UFSP2: variants seen among roughly 807,000 people sequenced by gnomAD.
UFSP2 encodes ufm1-specific protease 2.
Under a neutral mutation model 60.2 loss-of-function variants are expected in UFSP2, and 43 were observed. The ratio of observed to expected loss-of-function variants is 0.71; its 90% CI spans 0.56 to 0.92. The LOEUF is 0.92. Ranked by LOEUF, UFSP2 falls within the 40% of genes least tolerant of loss-of-function variation. The pLI is 0.00. For missense variants in UFSP2, 520 were observed against 575.0 expected, an observed-to-expected ratio of 0.90 and a Z score of 0.98; for synonymous variants, 183 against 195.1, an observed-to-expected ratio of 0.94 and a Z score of 0.52.
In UFSP2 at chr4:185,408,122, G is replaced by T. The variant is rs941389095; in HGVS notation, c.997-62C>A. Reference sequence around the variant, plus strand: ...AGACAGCTATTAAAAACGATGTTTAGGGCATTTTCCCTGATTACCAGTACA... The same window carrying T: ...AGACAGCTATTAAAAACGATGTTTATGGCATTTTCCCTGATTACCAGTACA... On this transcript the variant is annotated intron_variant, in intron 8 of 11. Transcript: ENST00000264689. The T allele has an allele frequency of 1.1e-5, 17 of 1,579,076 alleles. No individual in the cohort carries two copies. The African/African-American group carries it at 2.3e-4, about 21-fold the overall frequency.
intron 6 of UFSP2, 23 bp from the exon 7 acceptor site, chr4:185,413,895 GA>G (rs767535710): frequency 8.7e-5 from 136 of 1,556,718 alleles, no homozygotes; most frequent in Middle Eastern, 1.7e-4. Context: ...AGAATCAACA[GA>G]AAAAGAAAAA....
rs779590111 is a variant in UFSP2 at position 185,413,795 on chromosome 4, C to A, written c.762G>T (p.Glu254Asp). ...KRSNAYHFPD[E>D]PYKDGYIRNP... ...TTCTAATGTAACCATCTTTGTATGGCTCATCTGGAAAGTGATAAGCATTAG... is the reference window on the plus strand; with the variant it reads ...TTCTAATGTAACCATCTTTGTATGGATCATCTGGAAAGTGATAAGCATTAG... Residue 254 changes from glutamate to aspartate, a missense_variant, in exon 7 of 12, where the codon GAG (glutamate) becomes GAT (aspartate). Coordinates refer to ENST00000264689, the MANE Select transcript of UFSP2 (RefSeq NM_018359.5). 6.2e-7 allele frequency: 1 copy of A among 1,613,540 alleles called. No homozygotes were observed. Among genetic ancestry groups the A allele is most frequent in the South Asian group, 1.1e-5 (1 of 91,042 alleles).
rs551677327 is a variant in UFSP2 at position 185,400,662 on chromosome 4, T to G, written c.1324-184A>C. The G allele has an allele frequency of 7.4e-5, 32 of 429,858 alleles. No homozygotes were observed. The Admixed American group carries it at 1.3e-3, about 17-fold the overall frequency. The allele number at this position is 429,858 out of a possible 1,614,324, so 26.6% of individuals were successfully genotyped here. ...TATCTTACCCTTTAAGGTAGGTTTT[T>G]GAACTTTTAATTCTATGTATGTAAT... On this transcript the variant is annotated intron_variant, in intron 11 of 11. Transcript: ENST00000264689.
At chr4:185,412,114 C>T (rs1262566856) in intron 7 of UFSP2, among the ~76,000 whole-genome samples, 6 of 152,070 alleles carry the variant, frequency 3.9e-5, no homozygotes. Context: ...TATTCATTTC[C>T]CCACTGTGCT....
intron 11 of UFSP2, chr4:185,402,280 C>T: frequency 4.4e-6 from 2 of 454,732 alleles, no homozygotes; most frequent in South Asian, 3.1e-5. Flanking sequence ...AAGAATATTG[C>T]TACTATATTC....
At chr4:185,410,897 G>A in intron 7 of UFSP2, among the ~76,000 whole-genome samples, 1 of 142,638 alleles carries the variant, frequency 7.0e-6, no homozygotes, top group South Asian at 2.2e-4. Flanking sequence ...AGTGAGCCAA[G>A]ATTGTGCCAC....
rs752521812 is a variant in UFSP2 at position 185,405,853 on chromosome 4, T to TTG, written c.1123_1124dup (p.Gln375HisfsTer25). The TTG allele has an allele frequency of 6.2e-7, 1 of 1,614,090 alleles. No homozygotes were observed. On this transcript the variant is annotated frameshift_variant, in exon 10 of 12. Coordinates refer to ENST00000264689, the MANE Select transcript of UFSP2 (RefSeq NM_018359.5). LOFTEE classifies it high-confidence loss of function. ...GTCCTTGAGAGGCAATTTCTGAACC[T>TTG]TGGCTAGAAAGAAACCATTTTCTAT... is the stretch of plus-strand genomic sequence containing the variant.
At chr4:185,403,286 T>C (rs2095515479) in intron 11 of UFSP2, among the ~76,000 whole-genome samples, 1 of 152,200 alleles carries the variant, frequency 6.6e-6, no homozygotes, top group Non-Finnish European at 1.5e-5. Context: ...TGAGAAAGTT[T>C]CTATAAACCT....
At chr4:185,406,917 G>A (rs1034043528) in intron 9 of UFSP2, among the ~76,000 whole-genome samples, 2 of 151,242 alleles carry the variant, frequency 1.3e-5, no homozygotes, top group South Asian at 2.1e-4. Flanking sequence ...AACCACTGAG[G>A]AAAGGATAAA....
Position 185,413,738 on chromosome 4 carries a change from C to T in UFSP2, c.819G>A (p.Met273Ile). 6.2e-7 allele frequency: 1 copy of T among 1,610,048 alleles called. No individual in the cohort carries two copies. Among genetic ancestry groups the T allele is most frequent in the Non-Finnish European group, 8.5e-7 (1 of 1,178,862 alleles). The change falls in exon 7 of 12, where the codon ATG becomes ATA. Residue 273 changes from methionine (M) to isoleucine (I), a missense_variant. Met to Ile is a conservative substitution (Grantham distance 10, BLOSUM62 1). Transcript: ENST00000264689. The part of the protein sequence containing the change: ...NPHTYLNPPN[M>I]ETGMIYVVQG... ...TAGTTAAACTCACCATACCAGTCTCCATGTTAGGTGGATTAAGGTAAGTAT... is the reference window on the plus strand; with the variant it reads ...TAGTTAAACTCACCATACCAGTCTCTATGTTAGGTGGATTAAGGTAAGTAT...
intron 2 of UFSP2, among the ~76,000 whole-genome samples, chr4:185,420,323 A>T (rs1326264082): frequency 6.6e-6 from 1 of 152,178 alleles, no homozygotes; most frequent in Non-Finnish European, 1.5e-5. Flanking sequence ...ATTTTTGAAT[A>T]TTTGACACAT....
In UFSP2 at chr4:185,413,746, G is replaced by A; in HGVS notation, c.811C>T (p.Pro271Ser). Residue 271 changes from proline to serine, a missense_variant, in exon 7 of 12, where the codon CCT becomes TCT. Transcript: ENST00000264689. Reference sequence around the variant, plus strand: ...CTCACCATACCAGTCTCCATGTTAGGTGGATTAAGGTAAGTATGTGGATTT... The same window carrying A: ...CTCACCATACCAGTCTCCATGTTAGATGGATTAAGGTAAGTATGTGGATTT... ...IRNPHTYLNP[P>S]NMETGMIYVV... The A allele has an allele frequency of 6.2e-7, 1 of 1,611,368 alleles. No individual in the cohort carries two copies. The highest frequency in any genetic ancestry group is 1.1e-5 in the South Asian group (1 of 90,332).
chr4:185,415,334 G>A lies in UFSP2; in HGVS notation c.505C>T (p.Leu169=), dbSNP rs1454367912. 6.9e-6 allele frequency: 11 copies of A among 1,583,382 alleles called. No homozygotes were observed. The highest frequency in any genetic ancestry group is 9.4e-6 in the Non-Finnish European group (11 of 1,172,354). ...AGTTGATTATGAATTGCATCAACCAGGAGTTTACGAACTCTGTGGGGGGAA... is the reference window on the plus strand; with the variant it reads ...AGTTGATTATGAATTGCATCAACCAAGAGTTTACGAACTCTGTGGGGGGAA... The part of the protein sequence containing the change: ...EETWGKVRKL[L]VDAIHNQLTD... Residue 169 remains leucine (L), a synonymous_variant, in exon 6 of 12, where the codon CTG becomes TTG. Transcript: ENST00000264689.
At chr4:185,402,510 C>G (rs532108039) in intron 11 of UFSP2, among the ~76,000 whole-genome samples, 20 of 152,278 alleles carry the variant, frequency 1.3e-4, no homozygotes, top group African/African-American at 4.1e-4. Flanking sequence ...AATTTCACTC[C>G]TGTTGCCCAG....
chr4:185,403,323 G>A (rs1561106640), intron 11 of UFSP2, among the ~76,000 whole-genome samples, 171 bp downstream of exon 11: 1 of 152,114 alleles, frequency 6.6e-6, no homozygotes. Flanking sequence ...AATGTGCTTT[G>A]TTCTTGCACA....
chr4:185,406,081 C>CT, intron 9 of UFSP2: 1 of 791,192 alleles, frequency 1.3e-6, no homozygotes, highest in Non-Finnish European at 1.9e-6. Context: ...AGATAAGACG[C>CT]TAAAAGACCT....
chr4:185,409,249 G>A (rs980209529), intron 7 of UFSP2, among the ~76,000 whole-genome samples: 2 of 152,040 alleles, frequency 1.3e-5, no homozygotes, highest in Non-Finnish European at 2.9e-5. Flanking sequence ...ATTTGATGAC[G>A]CTAAGTTAAG....
chr4:185,409,321 G>A (rs2095525346), intron 7 of UFSP2, among the ~76,000 whole-genome samples: 1 of 152,118 alleles, frequency 6.6e-6, no homozygotes, highest in Admixed American at 6.5e-5. Flanking sequence ...ATAGTGCTAA[G>A]AATGTATATG....
At chr4:185,414,159 C>A (rs1346796333) in intron 6 of UFSP2, among the ~76,000 whole-genome samples, 2 of 152,076 alleles carry the variant, frequency 1.3e-5, no homozygotes, top group Admixed American at 1.3e-4. Flanking sequence ...TTATTTATTA[C>A]AACATAGTCT....
Sources: allele counts gnomAD v4.1 joint callset (sites outside exome capture counted in the v4.1 genomes callset), GRCh38; gene constraint gnomAD v4.1.1; transcripts MANE v1.5; gene names NCBI Gene and HGNC (gene_info 2026-07-23, HGNC 2026-07-21).